Variants in RIMS2 observed in about 807,000 individuals in gnomAD.
The protein encoded by RIMS2 is regulating synaptic membrane exocytosis 2, also known as regulating synaptic membrane exocytosis protein 2.
In RIMS2, 59 loss-of-function variants were observed where a neutral mutation model predicts 174.4. That is an observed-to-expected ratio of 0.34 (90% CI 0.27 to 0.42). The LOEUF (loss-of-function observed/expected upper bound fraction) is 0.42. Ranked by LOEUF, RIMS2 falls within the 10% of genes least tolerant of loss-of-function variation. The pLI, the probability that RIMS2 is intolerant of heterozygous loss-of-function variation, is 1.00. For missense variants in RIMS2, 1,620 were observed against 1,666.3 expected, an observed-to-expected ratio of 0.97 and a Z score of 0.48; for synonymous variants, 606 against 572.5, an observed-to-expected ratio of 1.06 and a Z score of -0.84.
At chr8:103,880,668 G>A (rs1473834894) in intron 3 of RIMS2, 3 of 538,580 alleles carry the variant, frequency 5.6e-6, no homozygotes, top group Non-Finnish European at 1.0e-5. Context: ...ATGCTCGACA[G>A]ATGTGCATTG....
chr8:103,585,458 A>G (rs1032117586), intron 1 of RIMS2, among the ~76,000 whole-genome samples: 1 of 152,206 alleles, frequency 6.6e-6, no homozygotes, highest in African/African-American at 2.4e-5. Context: ...CACTATTTAC[A>G]ATAGCAAAGA....
chr8:104,130,105 G>A (rs1314947775), intron 19 of RIMS2, among the ~76,000 whole-genome samples: 1 of 151,974 alleles, frequency 6.6e-6, no homozygotes, highest in Non-Finnish European at 1.5e-5. Context: ...GAGTTATTAA[G>A]TGCCACGTAT....
chr8:103,787,947 C>T (rs369976496), intron 3 of RIMS2, among the ~76,000 whole-genome samples: 6 of 151,472 alleles, frequency 4.0e-5, no homozygotes, highest in Non-Finnish European at 5.9e-5. Context: ...TAGTCCCATA[C>T]TTCTTGGAGG....
chr8:104,181,909 T>C (rs2098942372), intron 19 of RIMS2, among the ~76,000 whole-genome samples: 1 of 151,736 alleles, frequency 6.6e-6, no homozygotes, highest in African/African-American at 2.4e-5. Flanking sequence ...TTTTACAAAT[T>C]AAAGTTACTA....
chr8:104,231,699 C>G (rs543173078), intron 19 of RIMS2, among the ~76,000 whole-genome samples: 17 of 152,194 alleles, frequency 1.1e-4, no homozygotes, highest in Non-Finnish European at 2.5e-4. Flanking sequence ...CAATACCTAT[C>G]TTGATGAATA....
chr8:104,231,091 G>T (rs1277786451), intron 19 of RIMS2, among the ~76,000 whole-genome samples: 2 of 152,100 alleles, frequency 1.3e-5, no homozygotes, highest in African/African-American at 2.4e-5. Flanking sequence ...ACTTTTCTCA[G>T]TTCTCGTTTT....
chr8:103,660,298 C>T (rs2096582815), intron 1 of RIMS2, among the ~76,000 whole-genome samples: 2 of 152,174 alleles, frequency 1.3e-5, no homozygotes, highest in Non-Finnish European at 1.5e-5. Flanking sequence ...AAGATCATGG[C>T]GGGCAGCAAG....
intron 2 of RIMS2, among the ~76,000 whole-genome samples, chr8:103,753,320 T>C (rs2097919575): frequency 6.6e-6 from 1 of 152,244 alleles, no homozygotes; most frequent in African/African-American, 2.4e-5. Flanking sequence ...TTTGATGTGA[T>C]GCTGGATTCA....
intron 19 of RIMS2, among the ~76,000 whole-genome samples, chr8:104,218,052 G>A (rs1301094678): frequency 6.6e-6 from 1 of 152,192 alleles, no homozygotes; most frequent in Non-Finnish European, 1.5e-5. Context: ...GATACCAGTT[G>A]TGAAAACTAA....
chr8:103,506,102 A>T (rs1252872752), intron 1 of RIMS2, among the ~76,000 whole-genome samples: 1 of 152,148 alleles, frequency 6.6e-6, no homozygotes, highest in Non-Finnish European at 1.5e-5. Flanking sequence ...TAAAAATTGC[A>T]TATGTAAACC....
intron 19 of RIMS2, among the ~76,000 whole-genome samples, chr8:104,079,200 T>C (rs2097358350): frequency 6.6e-6 from 1 of 152,084 alleles, no homozygotes; most frequent in South Asian, 2.1e-4. Context: ...ACATAAAGTT[T>C]CTAAAAACTG....
intron 16 of RIMS2, among the ~76,000 whole-genome samples, chr8:103,983,458 G>T (rs887287816): frequency 1.3e-5 from 2 of 152,080 alleles, no homozygotes; most frequent in Non-Finnish European, 1.5e-5. Context: ...TGAGCAAAAA[G>T]AACAAAACTG....
intron 1 of RIMS2, among the ~76,000 whole-genome samples, chr8:103,543,398 A>G (rs1843433269): frequency 6.6e-6 from 1 of 152,214 alleles, no homozygotes; most frequent in Admixed American, 6.5e-5. Context: ...TCGTTAATGA[A>G]TTAGAAGAAT....
intron 4 of RIMS2, among the ~76,000 whole-genome samples, chr8:103,905,389 T>C (rs1268911813): frequency 1.3e-5 from 2 of 152,154 alleles, no homozygotes; most frequent in Non-Finnish European, 2.9e-5. Flanking sequence ...TCTCTTATTT[T>C]AGCAATTGAA....
chr8:103,546,967 G>A (rs908409347), intron 1 of RIMS2, among the ~76,000 whole-genome samples: 5 of 150,596 alleles, frequency 3.3e-5, no homozygotes, highest in African/African-American at 9.9e-5. Context: ...TGAGTTATGC[G>A]GTGCCTCACT....
intron 19 of RIMS2, among the ~76,000 whole-genome samples, chr8:104,184,489 A>T (rs763507040): frequency 3.6e-4 from 55 of 151,550 alleles, no homozygotes; most frequent in Non-Finnish European, 8.9e-5. Context: ...CATGATATCT[A>T]AACAATGTTT....
At chr8:103,988,064 A>G (rs1465972446) in intron 16 of RIMS2, among the ~76,000 whole-genome samples, 1 of 152,246 alleles carries the variant, frequency 6.6e-6, no homozygotes, top group Non-Finnish European at 1.5e-5. Flanking sequence ...TGTTCTAGGC[A>G]TTATGTGGAA....
At chr8:103,611,658 T>G (rs138325223) in intron 1 of RIMS2, among the ~76,000 whole-genome samples, 1 of 151,666 alleles carries the variant, frequency 6.6e-6, no homozygotes, top group Admixed American at 6.6e-5. Context: ...GGAGCTACAT[T>G]GTATGTTATT....
intron 19 of RIMS2, among the ~76,000 whole-genome samples, chr8:104,235,550 T>C (rs923521414): frequency 2.0e-5 from 3 of 152,022 alleles, no homozygotes; most frequent in Non-Finnish European, 4.4e-5. Context: ...AACTTTTATT[T>C]TGAAATATTT....
Sources: allele counts gnomAD v4.1 joint callset (sites outside exome capture counted in the v4.1 genomes callset), GRCh38; gene constraint gnomAD v4.1.1; transcripts MANE v1.5; gene names NCBI Gene and HGNC (gene_info 2026-07-23, HGNC 2026-07-21).